ZMYM4: variants seen among roughly 807,000 people sequenced by gnomAD.
The protein encoded by ZMYM4 is zinc finger MYM-type protein 4.
In ZMYM4, 31 loss-of-function variants were observed where a neutral mutation model predicts 183.2. The ratio of observed to expected loss-of-function variants is 0.17; its 90% confidence interval spans 0.13 to 0.23. The LOEUF (loss-of-function observed/expected upper bound fraction) is 0.23. ZMYM4 is among the 10% of genes least tolerant of loss of function. ZMYM4 has a pLI of 1.00. For missense variants in ZMYM4, 1,273 were observed against 1,840.3 expected (o/e 0.69, Z 5.64); for synonymous variants, 592 against 631.2 (o/e 0.94, Z 0.93).
intron 1 of ZMYM4, among the ~76,000 whole-genome samples, chr1:35,286,618 A>T (rs1417328015): frequency 1.4e-5 from 2 of 139,312 alleles, no homozygotes. Flanking sequence ...TTTTTTTAAG[A>T]GACAGGATCG....
In ZMYM4 at chr1:35,359,293, C is replaced by T. The variant is rs371501261; in HGVS notation, c.454C>T (p.Arg152Trp). ...TCAGGTTTCTGTCTTTAAATCAATA[C>T]GGAAAGATTTTAGTCTAGTAAGAGA... The part of the protein sequence containing the change: ...FDQVSVFKSI[R>W]KDFSLVRENS... Residue 152 changes from arginine (R) to tryptophan (W), a missense_variant, in exon 3 of 30, where the codon CGG becomes TGG. By Grantham distance (101) the Arg-to-Trp change is moderately radical. This residue lies in a region of ZMYM4 where 384 missense variants were observed against 465.6 expected (regional missense o/e 0.82). Coordinates refer to ENST00000314607, the MANE Select transcript of ZMYM4 (RefSeq NM_005095.3). The T allele has an allele frequency of 3.2e-5, 51 of 1,608,762 alleles. No homozygotes were observed. Among genetic ancestry groups the T allele is most frequent in the Middle Eastern group, 1.7e-4 (1 of 6,046 alleles).
At chr1:35,269,112 C>T (rs1304902197) in intron 1 of ZMYM4, 27 bp downstream of exon 1, 3 of 1,543,344 alleles carry the variant, frequency 1.9e-6, no homozygotes, top group Non-Finnish European at 2.6e-6. Context: ...AGAACTCGGG[C>T]GGCGGGGGGC....
At chr1:35,316,238 G>C (rs1280572734) in intron 1 of ZMYM4, among the ~76,000 whole-genome samples, 1 of 152,190 alleles carries the variant, frequency 6.6e-6, no homozygotes, top group Admixed American at 6.5e-5. Context: ...TAGCAGAACA[G>C]TGACTAGACT....
chr1:35,415,582 C>T lies in ZMYM4; in HGVS notation c.4177C>T (p.Leu1393=). Residue 1393 remains leucine, a synonymous_variant, in exon 28 of 30, where the codon CTA becomes TTA. Coordinates refer to ENST00000314607, the MANE Select transcript of ZMYM4 (RefSeq NM_005095.3). ...LLFFNTKYFQ[L]KNVTEHLKLS... is the part of the protein sequence containing the mutation. ...TTTCTTCAATACCAAATACTTCCAA[C>T]TAAAGAATGTTACTGAGCACTTGAA... The T allele has an allele frequency of 6.2e-7, 1 of 1,614,206 alleles. No homozygotes were observed. Among genetic ancestry groups the T allele is most frequent in the Non-Finnish European group, 8.5e-7 (1 of 1,180,040 alleles).
chr1:35,268,887 C>G lies in ZMYM4; in HGVS notation c.-160C>G, dbSNP rs1639439363. On this transcript the variant is annotated 5_prime_UTR_variant, in exon 1 of 30. Transcript: ENST00000314607. ...GGATCTCAGAAGCTGCGGCCCGGCG[C>G]GCGGCATCCGCCCCCTCCCCACTCT... 3 of 731,262 alleles carry G rather than the reference C, an allele frequency of 4.1e-6. No homozygotes were observed. In the East Asian group the frequency reaches 1.1e-4, roughly 28 times the overall value. The allele number at this position is 731,262 out of a possible 1,614,324, so 45.3% of individuals were successfully genotyped here.
At chr1:35,304,565 C>T (rs947612121) in intron 1 of ZMYM4, among the ~76,000 whole-genome samples, 9 of 151,548 alleles carry the variant, frequency 5.9e-5, no homozygotes, top group South Asian at 2.1e-4. Context: ...TCAAATCATC[C>T]TCCCACCTCA....
intron 1 of ZMYM4, among the ~76,000 whole-genome samples, chr1:35,284,463 T>C (rs1368148742): frequency 6.6e-6 from 1 of 152,210 alleles, no homozygotes; most frequent in Non-Finnish European, 1.5e-5. Context: ...AATTTTTGTT[T>C]ATGGTACAAA....
chr1:35,352,259 ACGCGCGCGCG>A (rs376025575), intron 2 of ZMYM4, among the ~76,000 whole-genome samples: 2 of 77,592 alleles, frequency 2.6e-5, no homozygotes, highest in African/African-American at 1.4e-4. Context: ...ATTAGCGCGC[ACGCGCGCGCG>A]CACACACACA....
At position 35,419,574 on chromosome 1, in the gene ZMYM4, G is replaced by A. The variant is rs1640254614; in HGVS notation, c.4544G>A (p.Gly1515Glu). The change falls in exon 30 of 30, where the codon GGA (glycine) becomes GAA (glutamate). Residue 1515 changes from glycine to glutamate, a missense_variant. Gly to Glu is a moderately conservative substitution (Grantham distance 98). This residue lies in a region of ZMYM4 where 145 missense variants were observed against 331.6 expected (regional missense o/e 0.44). Transcript: ENST00000314607. ...MWYSTFPIDP[G>E]TLDTMLTRIL... Reference sequence around the variant, plus strand: ...TACTCCACATTCCCGATAGACCCTGGAACCCTGGACACCATGTTAACACGT... The same window carrying A: ...TACTCCACATTCCCGATAGACCCTGAAACCCTGGACACCATGTTAACACGT... The A allele has an allele frequency of 3.1e-6, 5 of 1,613,920 alleles. No individual in the cohort carries two copies. Among genetic ancestry groups the A allele is most frequent in the African/African-American group, 1.3e-5 (1 of 74,880 alleles).
At chr1:35,309,953 G>T (rs1641718996) in intron 1 of ZMYM4, among the ~76,000 whole-genome samples, 1 of 145,546 alleles carries the variant, frequency 6.9e-6, no homozygotes. Flanking sequence ...TTGAGATGGA[G>T]TTTCACTCTT....
At chr1:35,315,252 A>G (rs1643463860) in intron 1 of ZMYM4, among the ~76,000 whole-genome samples, 1 of 152,226 alleles carries the variant, frequency 6.6e-6, no homozygotes, top group South Asian at 2.1e-4. Context: ...AAACTTCAAT[A>G]GAACATTTTT....
chr1:35,269,312 C>T (rs1639474204), intron 1 of ZMYM4, among the ~76,000 whole-genome samples: 1 of 151,996 alleles, frequency 6.6e-6, no homozygotes, highest in Admixed American at 6.5e-5. Context: ...CCGTTGTTTG[C>T]CTTCCTCCCC....
Position 35,392,355 on chromosome 1 carries a change from ATGGCTTG to A in ZMYM4, c.2728+4_2728+10del. On this transcript the variant is annotated splice_donor_5th_base_variant and intron_variant, in intron 16 of 29. Coordinates refer to ENST00000314607, the MANE Select transcript of ZMYM4 (RefSeq NM_005095.3). Reference sequence around the variant, plus strand: ...GAATTCTAACAGTGTCTTACAAGGTATGGCTTGATTGGAAAGCATTTATCTAGCCTAT... The same window carrying A: ...GAATTCTAACAGTGTCTTACAAGGTAATTGGAAAGCATTTATCTAGCCTAT... The A allele has an allele frequency of 1.2e-6, 2 of 1,611,700 alleles. No homozygotes were observed. The highest frequency in any genetic ancestry group is 1.7e-6 in the Non-Finnish European group (2 of 1,179,312).
intron 1 of ZMYM4, among the ~76,000 whole-genome samples, chr1:35,282,044 C>T (rs1455190378): frequency 6.6e-6 from 1 of 152,122 alleles, no homozygotes; most frequent in Non-Finnish European, 1.5e-5. Flanking sequence ...TTTTGTTTAT[C>T]CATTCATCCA....
Position 35,389,105 on chromosome 1 carries a change from G to GGTCT in ZMYM4, c.2436+25_2436+26insCTGT. The GGTCT allele has an allele frequency of 6.3e-7, 1 of 1,583,414 alleles. No individual in the cohort carries two copies. The highest frequency in any genetic ancestry group is 1.2e-5 in the South Asian group (1 of 86,304). On this transcript the variant is annotated intron_variant, in intron 14 of 29. Transcript: ENST00000314607. This position sits in a 1 kb window ranked among gnomAD's most constrained non-coding sequence, Gnocchi z 4.0. ...CAGGTAAATAGAATTCACATTCCTG[G>GGTCT]GTTTTTCATTCTAGGGCATAAATTA...
chr1:35,359,544 G>T, intron 3 of ZMYM4, 98 bp downstream of exon 3: 1 of 1,167,150 alleles, frequency 8.6e-7, no homozygotes, highest in Non-Finnish European at 1.2e-6. Context: ...AAGTATGAAC[G>T]GTTAAATTCA....
chr1:35,372,131 TAA>T (rs1644227933), intron 7 of ZMYM4, among the ~76,000 whole-genome samples: 2 of 152,236 alleles, frequency 1.3e-5, no homozygotes, highest in African/African-American at 4.8e-5. Context: ...GTATATTGAT[TAA>T]AGTGCAGATT....
At position 35,404,941 on chromosome 1, in the gene ZMYM4, A is replaced by T. The variant is rs545050162; in HGVS notation, c.3529-82A>T. 3.4e-5 allele frequency: 47 copies of T among 1,374,036 alleles called. 1 individual carries two copies. In the Admixed American group the frequency reaches 1.0e-3, roughly 30 times the overall value. 85.1% of individuals were successfully genotyped at this position (1,374,036 alleles called of 1,614,324 possible). ...TAAATTCTTTATTCTACAAATGTAT[A>T]CCCTTTCCAGCTTTGAGAACCCTGA... On this transcript the variant is annotated intron_variant, in intron 23 of 29. Transcript: ENST00000314607.
At chr1:35,274,176 C>G (rs1405065762) in intron 1 of ZMYM4, among the ~76,000 whole-genome samples, 2 of 152,078 alleles carry the variant, frequency 1.3e-5, no homozygotes, top group Non-Finnish European at 2.9e-5. Flanking sequence ...TATATGTATG[C>G]AATGTGAATA....
Sources: allele counts gnomAD v4.1 joint callset (sites outside exome capture counted in the v4.1 genomes callset), GRCh38; gene constraint gnomAD v4.1.1; regional missense constraint gnomAD v4.1.1; non-coding constraint Gnocchi (gnomAD v3.1); transcripts MANE v1.5; gene names NCBI Gene and HGNC (gene_info 2026-07-23, HGNC 2026-07-21).